FAM13A: variants seen among roughly 807,000 people sequenced by gnomAD.
FAM13A encodes protein FAM13A.
A neutral mutation model predicts 129.6 loss-of-function variants in FAM13A; 76 were observed. That is an observed-to-expected ratio of 0.59 (90% confidence interval 0.49 to 0.71). The LOEUF is 0.71. Among genes scored for constraint, FAM13A ranks in the 30% least tolerant of loss-of-function variants. FAM13A has a pLI of 0.00. For missense variants in FAM13A, 1,108 were observed against 1,249.3 expected, an observed-to-expected ratio of 0.89 and a Z score of 1.70; for synonymous variants, 443 against 449.9, an observed-to-expected ratio of 0.98 and a Z score of 0.20.
At chr4:88,810,780 T>C (rs1453278217) in intron 7 of FAM13A, among the ~76,000 whole-genome samples, 2 of 152,176 alleles carry the variant, frequency 1.3e-5, no homozygotes, top group Non-Finnish European at 2.9e-5. Context: ...ACAATATTTT[T>C]TTAAAGTTTT....
At chr4:88,752,904 G>A (rs993928650) in intron 14 of FAM13A, among the ~76,000 whole-genome samples, 1 of 152,216 alleles carries the variant, frequency 6.6e-6, no homozygotes, top group Non-Finnish European at 1.5e-5. Flanking sequence ...AAGATGGCTT[G>A]AACAGTAATG....
At chr4:88,895,002 G>A (rs1312627378) in intron 6 of FAM13A, among the ~76,000 whole-genome samples, 4 of 151,942 alleles carry the variant, frequency 2.6e-5, no homozygotes, top group Non-Finnish European at 5.9e-5. Context: ...TTATATAGTT[G>A]TGCTTTTTAT....
intron 7 of FAM13A, among the ~76,000 whole-genome samples, chr4:88,824,482 A>C (rs1732623819): frequency 1.3e-5 from 2 of 152,206 alleles, no homozygotes; most frequent in Non-Finnish European, 2.9e-5. Context: ...GCCATCCTAA[A>C]ACTATCATCA....
In FAM13A at chr4:88,747,737, T is replaced by C; in HGVS notation, c.2276A>G (p.Glu759Gly). ...GGGCTTTATTGCTTTATCCACCAGC[T>C]CTTGCTTCTTCTCATCTTCTTTCTC... is the stretch of plus-strand genomic sequence containing the variant. ...QLEKEDEKKQ[E>G]LVDKAIKPSV... The change falls in exon 18 of 24, where the codon GAG (glutamate) becomes GGG (glycine). Residue 759 changes from glutamate (E) to glycine (G), a missense_variant. By Grantham distance (98) the Glu-to-Gly change is moderately conservative (BLOSUM62 -2). Coordinates refer to ENST00000264344, the MANE Select transcript of FAM13A (RefSeq NM_014883.4). 2 of 1,614,176 alleles carry C rather than the reference T, an allele frequency of 1.2e-6. No homozygotes were observed. The highest frequency in any genetic ancestry group is 1.7e-6 in the Non-Finnish European group (2 of 1,179,994).
intron 8 of FAM13A, among the ~76,000 whole-genome samples, chr4:88,794,899 C>G (rs1370705487): frequency 6.6e-6 from 1 of 151,668 alleles, no homozygotes; most frequent in Non-Finnish European, 1.5e-5. Flanking sequence ...AGTTGATATG[C>G]AGCATCAACA....
intron 3 of FAM13A, among the ~76,000 whole-genome samples, chr4:89,009,574 G>T (rs537749561): frequency 1.3e-5 from 2 of 152,306 alleles, no homozygotes; most frequent in African/African-American, 2.4e-5. Flanking sequence ...TCCCAAGAAG[G>T]CAATTTTCCT....
chr4:88,779,127 GACTAGA>G (rs1722340430), intron 11 of FAM13A, among the ~76,000 whole-genome samples: 1 of 151,960 alleles, frequency 6.6e-6, no homozygotes, highest in Non-Finnish European at 1.5e-5. Context: ...CTGTTTCCCT[GACTAGA>G]ATGTAAGCTC....
At chr4:89,012,680 C>G (rs1209294520) in intron 3 of FAM13A, among the ~76,000 whole-genome samples, 2 of 152,166 alleles carry the variant, frequency 1.3e-5, no homozygotes, top group Non-Finnish European at 2.9e-5. Flanking sequence ...GGGATGCTTA[C>G]AGACATCCAG....
chr4:89,020,583 C>T lies in FAM13A; in HGVS notation c.304G>A (p.Val102Met), dbSNP rs199908167. The T allele has an allele frequency of 1.6e-4, 260 of 1,613,980 alleles. No homozygotes were observed. The highest frequency in any genetic ancestry group is 1.7e-4 in the Non-Finnish European group (205 of 1,179,986). The change falls in exon 3 of 24, where the codon GTG (valine) becomes ATG (methionine). Residue 102 changes from valine to methionine, a missense_variant. By Grantham distance (21) the Val-to-Met change is conservative. Transcript: ENST00000264344. ...LRLKFESGVP[V>M]ELGKDGDVCS... The stretch of plus-strand genomic sequence containing the variant: ...ACATCACCGTCCTTCCCGAGCTCCA[C>T]GGGCACTCCACTCTCGAACTTCAGT...
At chr4:88,883,878 A>G (rs1034052939) in intron 6 of FAM13A, among the ~76,000 whole-genome samples, 2 of 152,056 alleles carry the variant, frequency 1.3e-5, no homozygotes, top group African/African-American at 2.4e-5. Context: ...AGGCTACGAT[A>G]AACACGTTTA....
intron 7 of FAM13A, among the ~76,000 whole-genome samples, chr4:88,807,092 G>A (rs1335379018): frequency 2.0e-5 from 3 of 152,096 alleles, no homozygotes; most frequent in Non-Finnish European, 4.4e-5. Context: ...GCCCAGAACA[G>A]ATCCTTTACT....
intron 3 of FAM13A, among the ~76,000 whole-genome samples, chr4:89,018,018 T>C (rs1359187720): frequency 6.6e-6 from 1 of 152,208 alleles, no homozygotes; most frequent in African/African-American, 2.4e-5. Flanking sequence ...AAATCATTTT[T>C]TTCAAAAATG....
At chr4:88,852,952 C>A (rs558468918) in intron 6 of FAM13A, among the ~76,000 whole-genome samples, 2 of 152,112 alleles carry the variant, frequency 1.3e-5, no homozygotes, top group Admixed American at 1.3e-4. Context: ...CAAAACCAAA[C>A]AACACACGCA....
At chr4:88,853,199 T>C (rs1737914358) in intron 6 of FAM13A, among the ~76,000 whole-genome samples, 1 of 152,210 alleles carries the variant, frequency 6.6e-6, no homozygotes, top group South Asian at 2.1e-4. Context: ...CTGTAGTCCA[T>C]ATTTGCTGAG....
At chr4:88,964,240 G>T (rs1188055899) in intron 4 of FAM13A, among the ~76,000 whole-genome samples, 2 of 152,144 alleles carry the variant, frequency 1.3e-5, no homozygotes, top group Non-Finnish European at 2.9e-5. Flanking sequence ...AACACTTATT[G>T]CTTTCTTTGC....
At chr4:89,010,623 T>C (rs1765606987) in intron 3 of FAM13A, among the ~76,000 whole-genome samples, 1 of 152,166 alleles carries the variant, frequency 6.6e-6, no homozygotes, top group African/African-American at 2.4e-5. Context: ...ATCTAAACAC[T>C]AAGTTTGCAG....
At position 88,781,188 on chromosome 4, in the gene FAM13A, G is replaced by A. The variant is rs1333601655; in HGVS notation, c.1435C>T (p.His479Tyr). ...ACCACAAGACCGTCCTGATTGTCAT[G>A]AAGCTCAGAAAGTTTAGTACTGGAT... ...QKSSTKLSEL[H>Y]DNQDGLVNME... is the part of the protein sequence containing the mutation. Residue 479 changes from histidine to tyrosine, a missense_variant, in exon 11 of 24, where the codon CAT becomes TAT. This residue lies in a region of FAM13A where 566 missense variants were observed against 595.7 expected (regional missense o/e 0.95). Coordinates refer to ENST00000264344, the MANE Select transcript of FAM13A (RefSeq NM_014883.4). 3.7e-6 allele frequency: 6 copies of A among 1,608,820 alleles called. No individual in the cohort carries two copies. The highest frequency in any genetic ancestry group is 5.1e-6 in the Non-Finnish European group (6 of 1,177,462).
chr4:88,792,816 T>G (rs1725440334), intron 8 of FAM13A, among the ~76,000 whole-genome samples: 1 of 152,106 alleles, frequency 6.6e-6, no homozygotes, highest in Admixed American at 6.6e-5. Flanking sequence ...CCTTTTGAAC[T>G]GTCTTCTTTT....
chr4:88,799,219 C>A (rs754959161), intron 8 of FAM13A, among the ~76,000 whole-genome samples: 19 of 152,198 alleles, frequency 1.2e-4, no homozygotes, highest in Non-Finnish European at 1.9e-4. Context: ...TGGTCTGGTT[C>A]TGTGTAGGCA....
Sources: gnomAD v4.1 joint callset for allele counts (sites outside exome capture counted in the v4.1 genomes callset) on GRCh38, gnomAD v4.1.1 for gene constraint, gnomAD v4.1.1 regional missense constraint, MANE v1.5 for transcripts, NCBI Gene and HGNC (gene_info 2026-07-23, HGNC 2026-07-21) for gene names.